Variants in CERS6 observed in about 807,000 individuals in gnomAD.
The protein encoded by CERS6 is ceramide synthase 6.
In CERS6, 26 loss-of-function variants were observed where a neutral mutation model predicts 56.8. The observed-to-expected ratio is 0.46, with a 90% CI of 0.34 to 0.63. The LOEUF is 0.63. Among genes scored for constraint, CERS6 ranks in the 30% least tolerant of loss-of-function variants. The pLI is 0.01. For synonymous variants in CERS6, 164 were observed against 173.3 expected (o/e 0.95, Z 0.42); for missense variants, 415 against 467.5 (o/e 0.89, Z 1.04).
chr2:168,456,621 A>G lies in CERS6; in HGVS notation c.170+3A>G, dbSNP rs1372214830. 8 of 1,612,612 alleles carry G rather than the reference A, an allele frequency of 5.0e-6. No individual in the cohort carries two copies. The highest frequency in any genetic ancestry group is 1.6e-4 in the Middle Eastern group (1 of 6,062). Reference sequence around the variant, plus strand: ...ATGGTGCGGCTCATCTTCGAGAGGTAAGAAGGGCTGAAGCCCCTCCTCCCC... The same window carrying G: ...ATGGTGCGGCTCATCTTCGAGAGGTGAGAAGGGCTGAAGCCCCTCCTCCCC... On this transcript the variant is annotated splice_donor_region_variant and intron_variant, in intron 1 of 9. Transcript: ENST00000305747. This position sits in a 1 kb window ranked among gnomAD's most constrained non-coding sequence, Gnocchi z 4.1.
chr2:168,702,226 T>A (rs1686823004), intron 6 of CERS6, among the ~76,000 whole-genome samples: 2 of 152,202 alleles, frequency 1.3e-5, no homozygotes, highest in South Asian at 4.1e-4. Context: ...AAAAGAATAT[T>A]GTGTGTGATG....
chr2:168,481,624 G>C (rs1694179964), intron 1 of CERS6, among the ~76,000 whole-genome samples: 1 of 152,156 alleles, frequency 6.6e-6, no homozygotes, highest in Non-Finnish European at 1.5e-5. Context: ...CAGATCTGAA[G>C]CTGGCCTTTA....
chr2:168,572,046 G>A (rs183869281), intron 3 of CERS6, among the ~76,000 whole-genome samples: 35 of 152,276 alleles, frequency 2.3e-4, no homozygotes, highest in African/African-American at 8.4e-4. Context: ...AGGGGATGTT[G>A]CAGCATTAAA....
chr2:168,677,479 A>G (rs1686093596), intron 4 of CERS6, among the ~76,000 whole-genome samples: 1 of 152,048 alleles, frequency 6.6e-6, no homozygotes, highest in African/African-American at 2.4e-5. Context: ...CGGTAAACAT[A>G]CATGTGCATG....
chr2:168,587,681 T>C (rs1196699275), intron 3 of CERS6, among the ~76,000 whole-genome samples: 1 of 152,094 alleles, frequency 6.6e-6, no homozygotes, highest in East Asian at 1.9e-4. Flanking sequence ...AGTGAAGGCA[T>C]GTGGTATACA....
chr2:168,466,057 G>A (rs1307811586), intron 1 of CERS6, among the ~76,000 whole-genome samples: 1 of 150,902 alleles, frequency 6.6e-6, no homozygotes, highest in Non-Finnish European at 1.5e-5. Context: ...CTAGGAGAGC[G>A]CCTCTTCTTT....
At chr2:168,610,991 T>C (rs1405374066) in intron 3 of CERS6, among the ~76,000 whole-genome samples, 1 of 152,134 alleles carries the variant, frequency 6.6e-6, no homozygotes, top group Non-Finnish European at 1.5e-5. Flanking sequence ...GTATTTTTAG[T>C]AGAGACGAGG....
At chr2:168,509,704 T>A (rs1694744509) in intron 1 of CERS6, among the ~76,000 whole-genome samples, 1 of 152,260 alleles carries the variant, frequency 6.6e-6, no homozygotes, top group Admixed American at 6.5e-5. Context: ...GTATTTGGTA[T>A]ACTGGTACAG....
chr2:168,710,777 G>A (rs1379245844), intron 6 of CERS6, among the ~76,000 whole-genome samples: 8 of 152,156 alleles, frequency 5.3e-5, no homozygotes, highest in Non-Finnish European at 2.9e-5. Context: ...AGGTAAAACT[G>A]GTAAGTTGCA....
intron 3 of CERS6, among the ~76,000 whole-genome samples, chr2:168,588,740 C>T (rs982711520): frequency 6.6e-6 from 1 of 152,150 alleles, no homozygotes; most frequent in Non-Finnish European, 1.5e-5. Flanking sequence ...CAAGACCCTG[C>T]TTTCAGTTCT....
At chr2:168,628,038 G>A (rs1229099118) in intron 3 of CERS6, among the ~76,000 whole-genome samples, 1 of 151,816 alleles carries the variant, frequency 6.6e-6, no homozygotes, top group East Asian at 1.9e-4. Context: ...GTCTTTTATT[G>A]ACTTACAACT....
intron 4 of CERS6, among the ~76,000 whole-genome samples, chr2:168,676,974 C>T (rs142109834): frequency 4.6e-4 from 69 of 149,082 alleles, no homozygotes; most frequent in African/African-American, 1.5e-3. Context: ...GGCAGTTTTA[C>T]GCACCATTGC....
chr2:168,685,770 A>C (rs1686332402), intron 4 of CERS6, among the ~76,000 whole-genome samples: 1 of 152,072 alleles, frequency 6.6e-6, no homozygotes, highest in South Asian at 2.1e-4. Context: ...AAGAACAGCC[A>C]CAGATGCCTC....
At chr2:168,724,139 T>G (rs1484234936) in intron 8 of CERS6, among the ~76,000 whole-genome samples, 2 of 151,900 alleles carry the variant, frequency 1.3e-5, no homozygotes, top group African/African-American at 4.8e-5. Context: ...GTGTTCGGAG[T>G]TTCTTCCTTC....
chr2:168,739,151 CG>C (rs1490125540), intron 8 of CERS6, among the ~76,000 whole-genome samples: 2 of 148,420 alleles, frequency 1.3e-5, no homozygotes, highest in Non-Finnish European at 3.0e-5. Context: ...TCGGGTAATC[CG>C]CCTGCCTCGG....
In CERS6 at chr2:168,670,612, G is replaced by A. The variant is rs545634041; in HGVS notation, c.466-20422G>A. On this transcript the variant is annotated intron_variant, in intron 4 of 9. Transcript: ENST00000305747. Reference sequence around the variant, plus strand: ...TAAATAAAGGTAGAAACTAGAAAACGACATAGTCAAAACAGAAAAGTGAAA... The same window carrying A: ...TAAATAAAGGTAGAAACTAGAAAACAACATAGTCAAAACAGAAAAGTGAAA... Among the ~76,000 whole-genome samples, 7 of 152,192 alleles carry A rather than the reference G, an allele frequency of 4.6e-5. No individual in the cohort carries two copies. In the Middle Eastern group the frequency reaches 0.01, roughly 222 times the overall value.
intron 7 of CERS6, among the ~76,000 whole-genome samples, chr2:168,716,921 GTTAAT>G (rs1007324393): frequency 5.6e-4 from 85 of 152,184 alleles, no homozygotes; most frequent in African/African-American, 1.9e-3. Flanking sequence ...ATCTGACTCA[GTTAAT>G]TTAAGTTTCC....
intron 8 of CERS6, among the ~76,000 whole-genome samples, chr2:168,735,340 GA>G (rs1359933374): frequency 6.6e-6 from 1 of 151,914 alleles, no homozygotes; most frequent in African/African-American, 2.4e-5. Flanking sequence ...GTTAATGGTA[GA>G]TTTAGGCCTA....
chr2:168,646,819 T>G (rs1488572814), intron 4 of CERS6, among the ~76,000 whole-genome samples: 3 of 152,190 alleles, frequency 2.0e-5, no homozygotes, highest in Non-Finnish European at 4.4e-5. Flanking sequence ...TTGCTTGTTT[T>G]TGTCAAAGAT....
Sources: gnomAD v4.1 joint callset for allele counts (sites outside exome capture counted in the v4.1 genomes callset) on GRCh38, gnomAD v4.1.1 for gene constraint, Gnocchi (gnomAD v3.1) non-coding constraint, MANE v1.5 for transcripts, NCBI Gene and HGNC (gene_info 2026-07-23, HGNC 2026-07-21) for gene names.